Variants in CCNL1 observed in about 807,000 individuals in gnomAD.
The protein encoded by CCNL1 is cyclin L1, also known as cyclin-L1.
CCNL1 carries 13 observed loss-of-function variants against 60.6 expected under a neutral mutation model. That is an observed-to-expected ratio of 0.21 (90% CI 0.14 to 0.34). The LOEUF is 0.34. Ranked by LOEUF, CCNL1 falls within the 10% of genes least tolerant of loss-of-function variation. The pLI is 1.00. For missense variants in CCNL1, 481 were observed against 664.3 expected, an observed-to-expected ratio of 0.72 and a Z score of 3.03; for synonymous variants, 270 against 244.3, an observed-to-expected ratio of 1.10 and a Z score of -0.98.
downstream of CCNL1, among the ~76,000 whole-genome samples, chr3:157,144,728 A>G (rs1440517955): frequency 1.3e-5 from 2 of 152,228 alleles, no homozygotes; most frequent in African/African-American, 4.8e-5. Flanking sequence ...CAAACCCTTC[A>G]GTATGCCCAT....
At chr3:157,154,613 C>T (rs1023288714) in intron 3 of CCNL1, 6 of 152,162 alleles carry the variant, frequency 3.9e-5, no homozygotes, top group Admixed American at 1.3e-4. Flanking sequence ...CCTATGGTAA[C>T]ATCAGAGTAA....
In CCNL1 at chr3:157,149,304, T is replaced by A. The variant is rs761839494; in HGVS notation, c.1215A>T (p.Ser405=). The change falls in exon 10 of 11, where the codon TCA becomes TCT. Residue 405 remains serine (S), a synonymous_variant. Coordinates refer to ENST00000295926, the MANE Select transcript of CCNL1 (RefSeq NM_020307.4). ...TTACTTACTGTCTTCTTGGAGTATG[T>A]GATCTAGAACGTGATCGTGTTCTTG... The part of the protein sequence containing the change: ...SRSRTRSRSR[S]HTPRRHYNNR... 1 of 1,612,442 alleles carries A rather than the reference T, an allele frequency of 6.2e-7. No individual in the cohort carries two copies. The highest frequency in any genetic ancestry group is 1.1e-5 in the South Asian group (1 of 91,040).
chr3:157,152,401 AC>A lies in CCNL1; in HGVS notation c.610-161del, dbSNP rs1372741202. 12 of 1,325,928 alleles carry A rather than the reference AC, an allele frequency of 9.1e-6. No homozygotes were observed. In the African/African-American group the frequency reaches 1.8e-4, roughly 20 times the overall value. 82.1% of individuals were successfully genotyped at this position (1,325,928 alleles called of 1,614,324 possible). On this transcript the variant is annotated intron_variant, in intron 4 of 10. Coordinates refer to ENST00000295926, the MANE Select transcript of CCNL1 (RefSeq NM_020307.4). ...ACATAAGATTCTAATGTGAACTGCTACATGACTAGATTTTATATAAATTATG... is the reference window on the plus strand; with the variant it reads ...ACATAAGATTCTAATGTGAACTGCTAATGACTAGATTTTATATAAATTATG...
rs950147096 is a variant in CCNL1 at position 157,160,048 on chromosome 3, G to A, written c.47C>T (p.Ser16Leu). 15 of 1,563,096 alleles carry A rather than the reference G, an allele frequency of 9.6e-6. No individual in the cohort carries two copies. Among genetic ancestry groups the A allele is most frequent in the Non-Finnish European group, 1.2e-5 (14 of 1,153,972 alleles). ...HSTATAAAAA[S>L]SAAPSAGGSS... ...GCCGCCCGCGCTTGGGGCGGCCGAT[G>A]AGGCGGCTGCGGCAGCAGTAGCTGT... The change falls in exon 1 of 11, where the codon TCA becomes TTA. Residue 16 changes from serine (S) to leucine (L), a missense_variant. Coordinates refer to ENST00000295926, the MANE Select transcript of CCNL1 (RefSeq NM_020307.4).
At chr3:157,151,709 T>C (rs1738213908) in intron 5 of CCNL1, 7 of 1,011,704 alleles carry the variant, frequency 6.9e-6, no homozygotes, top group South Asian at 8.0e-5. Flanking sequence ...ATTAAATACA[T>C]AGGCATGTCA....
chr3:157,145,583 A>G (rs560704910), downstream of CCNL1, among the ~76,000 whole-genome samples: 5 of 152,202 alleles, frequency 3.3e-5, no homozygotes, highest in South Asian at 1.0e-3. Flanking sequence ...GAACAGAGGG[A>G]AAAACAGATA....
At chr3:157,151,755 T>C in intron 5 of CCNL1, 1 of 1,019,410 alleles carries the variant, frequency 9.8e-7, no homozygotes, top group Non-Finnish European at 1.2e-6. Context: ...ACAAATCCTT[T>C]TGACACCCCG....
In CCNL1 at chr3:157,150,312, A is replaced by C; in HGVS notation, c.744T>G (p.Ala248=). The change falls in exon 6 of 11, where the codon GCT becomes GCG. Residue 248 remains alanine (A), a synonymous_variant. Coordinates refer to ENST00000295926, the MANE Select transcript of CCNL1 (RefSeq NM_020307.4). ...GTGCTCTAGCTGCAAGGTAGATGCA[A>C]GCACATGCTATAGTCTCTGGTTGAA... is the stretch of plus-strand genomic sequence containing the variant. ...VRFQPETIAC[A]CIYLAARALQ... 6.2e-7 allele frequency: 1 copy of C among 1,614,028 alleles called. No homozygotes were observed. Among genetic ancestry groups the C allele is most frequent in the South Asian group, 1.1e-5 (1 of 91,074 alleles).
chr3:157,149,002 A>T (rs1031360839), intron 10 of CCNL1: 1 of 336,348 alleles, frequency 3.0e-6, no homozygotes, highest in Non-Finnish European at 5.3e-6. Flanking sequence ...CTGAAATTAA[A>T]AAAAAAAAAA....
downstream of CCNL1, among the ~76,000 whole-genome samples, chr3:157,145,437 C>CAAAAAAAA (rs56894231): frequency 4.7e-3 from 114 of 24,264 alleles, 12 homozygotes; most frequent in Non-Finnish European, 6.3e-3. Flanking sequence ...GACTTCATCT[C>CAAAAAAAA]AAAAAAAAAA....
At chr3:157,159,509 A>G in intron 1 of CCNL1, 30 bp from the exon 2 acceptor site, 3 of 1,599,258 alleles carry the variant, frequency 1.9e-6, no homozygotes, top group Non-Finnish European at 2.6e-6. Context: ...ACGGAAGCGC[A>G]GGGGTCAGGC....
chr3:157,157,854 T>C (rs1256068278), intron 3 of CCNL1, among the ~76,000 whole-genome samples: 1 of 152,236 alleles, frequency 6.6e-6, no homozygotes, highest in African/African-American at 2.4e-5. Flanking sequence ...AATAGTTCCA[T>C]TACTGCCAAC....
At position 157,155,940 on chromosome 3, in the gene CCNL1, T is replaced by G. The variant is rs1443436905; in HGVS notation, c.489-2784A>C. 2.0e-5 allele frequency among the ~76,000 whole-genome samples: 3 copies of G among 152,362 alleles called. No homozygotes were observed. In the East Asian group the frequency reaches 5.8e-4, roughly 29 times the overall value. The stretch of plus-strand genomic sequence containing the variant: ...TCTGCTTTAAGTTTCTATTGTCCAA[T>G]TTTTCTGATTTATACGAGAATTATT... On this transcript the variant is annotated intron_variant, in intron 3 of 10. Transcript: ENST00000295926.
chr3:157,146,782 G>A (rs916274974), downstream of CCNL1, among the ~76,000 whole-genome samples: 1 of 152,152 alleles, frequency 6.6e-6, no homozygotes, highest in African/African-American at 2.4e-5. Flanking sequence ...TCAGCAATGT[G>A]TATTACAAAT....
chr3:157,158,375 G>A (rs1274080670), intron 3 of CCNL1, among the ~76,000 whole-genome samples: 1 of 152,118 alleles, frequency 6.6e-6, no homozygotes, highest in African/African-American at 2.4e-5. Context: ...TCGATTTATC[G>A]TAGTTCAATG....
intron 10 of CCNL1, 63 bp downstream of exon 10, chr3:157,149,224 G>C (rs1737984369): frequency 1.5e-6 from 2 of 1,323,278 alleles, no homozygotes; most frequent in African/African-American, 2.9e-5. Flanking sequence ...AATTTTTAAA[G>C]AAAAAGCAAT....
chr3:157,147,918 T>C lies in CCNL1; in HGVS notation c.*323A>G. ...ATAACCACTTAAATAGAACAGTGTC[T>C]GCAATTTTATCTGTATAAAAATAAG... On this transcript the variant is annotated 3_prime_UTR_variant, in exon 11 of 11. Transcript: ENST00000295926. The C allele has an allele frequency of 9.6e-7, 1 of 1,045,534 alleles. No individual in the cohort carries two copies. The highest frequency in any genetic ancestry group is 1.2e-6 in the Non-Finnish European group (1 of 869,432). The allele number at this position is 1,045,534 out of a possible 1,614,324, so 64.8% of individuals were successfully genotyped here. A position where few individuals can be genotyped will look rare whatever the true frequency, so the allele number is the denominator to read the frequency against.
intron 10 of CCNL1, chr3:157,148,872 A>G (rs1737945520): frequency 2.6e-6 from 1 of 389,588 alleles, no homozygotes; most frequent in Admixed American, 4.1e-5. Context: ...CATGTTCAAA[A>G]GACATTGAAG....
chr3:157,146,672 T>TGATATTTGCCTTTGCC, downstream of CCNL1: 1 of 368,912 alleles, frequency 2.7e-6, no homozygotes, highest in Non-Finnish European at 5.3e-6. Flanking sequence ...GGGCCTTTGC[T>TGATATTTGCCTTTGCC]GACATTTGCC....
Sources: gnomAD v4.1 joint callset for allele counts (sites outside exome capture counted in the v4.1 genomes callset) on GRCh38, gnomAD v4.1.1 for gene constraint, MANE v1.5 for transcripts, NCBI Gene and HGNC (gene_info 2026-07-23, HGNC 2026-07-21) for gene names.